Variants in N4BP2L2 observed in about 807,000 individuals in gnomAD.
The protein encoded by N4BP2L2 is NEDD4 binding protein 2 like 2.
N4BP2L2 carries 50 observed loss-of-function variants against 56.2 expected under a neutral mutation model. The ratio of observed to expected loss-of-function variants is 0.89; its 90% CI spans 0.71 to 1.13. N4BP2L2 has a LOEUF of 1.13. N4BP2L2 is among the 50% of genes most tolerant of loss of function. The probability of loss-of-function intolerance (pLI) is 0.00; values close to 1 mark genes in which losing one functional copy is unlikely to be tolerated. For synonymous variants in N4BP2L2, 203 were observed against 223.6 expected, an observed-to-expected ratio of 0.91 and a Z score of 0.82; for missense variants, 689 against 693.8, an observed-to-expected ratio of 0.99 and a Z score of 0.08.
chr13:32,510,803 C>T (rs2047967765), exon 6 of N4BP2L2: 1 of 152,212 alleles, frequency 6.6e-6, no homozygotes, highest in East Asian at 1.9e-4. Flanking sequence ...TGGCCCAACT[C>T]TTTTCAATTT....
At chr13:32,532,087 C>T (rs2054971933) in intron 2 of N4BP2L2, among the ~76,000 whole-genome samples, 1 of 152,186 alleles carries the variant, frequency 6.6e-6, no homozygotes, top group South Asian at 2.1e-4. Context: ...TTATCCAGGA[C>T]AGCCTCCCCA....
At chr13:32,496,207 T>TA (rs1030441378) in intron 6 of N4BP2L2, among the ~76,000 whole-genome samples, 2 of 140,682 alleles carry the variant, frequency 1.4e-5, no homozygotes, top group Non-Finnish European at 3.0e-5. Flanking sequence ...TATTTTTTAT[T>TA]TTTTTTTTTT....
chr13:32,442,474 G>A (rs745931909), exon 7 of N4BP2L2: 1 of 1,613,490 alleles, frequency 6.2e-7, no homozygotes. Flanking sequence ...ACGGTAGTCA[G>A]TGCTTGTTAA....
chr13:32,484,704 C>T (rs1034065002), intron 6 of N4BP2L2, among the ~76,000 whole-genome samples: 1 of 152,234 alleles, frequency 6.6e-6, no homozygotes, highest in African/African-American at 2.4e-5. Context: ...AGGCTGTTCT[C>T]GAACTCCTGA....
intron 8 of N4BP2L2, among the ~76,000 whole-genome samples, chr13:32,437,178 T>G (rs949117507): frequency 6.6e-6 from 1 of 152,160 alleles, no homozygotes; most frequent in Non-Finnish European, 1.5e-5. Flanking sequence ...CCACCACGCC[T>G]GGCCACAAAT....
exon 6 of N4BP2L2, chr13:32,511,100 T>C (rs768796699): frequency 3.3e-5 from 5 of 152,236 alleles, no homozygotes; most frequent in Admixed American, 6.5e-5. Context: ...GTAAGTCGTT[T>C]AACCTAAATT....
chr13:32,531,578 T>C (rs1008945733), intron 2 of N4BP2L2, among the ~76,000 whole-genome samples: 1 of 152,158 alleles, frequency 6.6e-6, no homozygotes, highest in Admixed American at 6.5e-5. Flanking sequence ...ACTACTTTAC[T>C]GGGGTAATTC....
intron 2 of N4BP2L2, among the ~76,000 whole-genome samples, chr13:32,529,814 C>G (rs1383897488): frequency 4.0e-5 from 6 of 150,736 alleles, no homozygotes; most frequent in African/African-American, 1.2e-4. Context: ...CAACCTCCAC[C>G]TCCCAAGTTC....
downstream of N4BP2L2, chr13:32,509,147 T>A (rs1184555439): frequency 4.6e-5 from 7 of 152,170 alleles, no homozygotes; most frequent in Non-Finnish European, 1.0e-4. Flanking sequence ...AAGTATCAAA[T>A]ACAACTGATT....
intron 6 of N4BP2L2, among the ~76,000 whole-genome samples, chr13:32,473,639 T>A (rs551110050): frequency 6.6e-6 from 1 of 152,224 alleles, no homozygotes; most frequent in Non-Finnish European, 1.5e-5. Flanking sequence ...CTGAAAGGTA[T>A]ATGAGAGAAT....
At chr13:32,538,862 G>A (rs778049355), upstream of N4BP2L2, 16 of 985,442 alleles carry the variant, frequency 1.6e-5, no homozygotes, top group Non-Finnish European at 1.9e-5. Flanking sequence ...ATTGAAGTCC[G>A]ACGTTCACAC....
chr13:32,501,321 T>C (rs772779578), intron 6 of N4BP2L2, among the ~76,000 whole-genome samples: 9 of 151,998 alleles, frequency 5.9e-5, no homozygotes, highest in Non-Finnish European at 1.0e-4. Context: ...ACATGAACAT[T>C]ACACATAATG....
intron 6 of N4BP2L2, among the ~76,000 whole-genome samples, chr13:32,481,196 A>G (rs780524003): frequency 4.1e-4 from 62 of 151,182 alleles, no homozygotes; most frequent in Admixed American, 5.3e-4. Context: ...TCCCCTAAAT[A>G]TCTTTAGGAT....
downstream of N4BP2L2, among the ~76,000 whole-genome samples, chr13:32,510,133 C>T (rs563641007): frequency 2.4e-4 from 37 of 152,040 alleles, no homozygotes; most frequent in Admixed American, 8.5e-4. Flanking sequence ...TTCAAATATT[C>T]GGAAAATTTA....
chr13:32,492,369 G>C, intron 6 of N4BP2L2, among the ~76,000 whole-genome samples: 1 of 129,124 alleles, frequency 7.7e-6, no homozygotes, highest in Non-Finnish European at 1.6e-5. Context: ...TGCAAGACCC[G>C]CCTCCCGGAT....
chr13:32,532,505 T>G (rs1241804063), intron 2 of N4BP2L2, among the ~76,000 whole-genome samples: 1 of 152,114 alleles, frequency 6.6e-6, no homozygotes, highest in Non-Finnish European at 1.5e-5. Context: ...TTGAATATTT[T>G]GCCCTACTAA....
chr13:32,452,833 C>A (rs2078319030), intron 6 of N4BP2L2, among the ~76,000 whole-genome samples: 1 of 152,108 alleles, frequency 6.6e-6, no homozygotes, highest in Non-Finnish European at 1.5e-5. Flanking sequence ...AAATCAGAAA[C>A]AAGACAAGAA....
At chr13:32,515,364 CT>C (rs1307018663) in exon 6 of N4BP2L2, 1 of 152,124 alleles carries the variant, frequency 6.6e-6, no homozygotes, top group South Asian at 2.1e-4. Flanking sequence ...CCTCTTGAGC[CT>C]AGGAGTTCAA....
intron 6 of N4BP2L2, among the ~76,000 whole-genome samples, chr13:32,494,224 A>C (rs1323231133): frequency 1.3e-5 from 2 of 152,058 alleles, no homozygotes; most frequent in African/African-American, 4.8e-5. Context: ...CGGAGGTTGC[A>C]GTGAGCCAAG....
Sources: allele counts gnomAD v4.1 joint callset (sites outside exome capture counted in the v4.1 genomes callset), GRCh38; gene constraint gnomAD v4.1.1; transcripts MANE v1.5; gene names NCBI Gene and HGNC (gene_info 2026-07-23, HGNC 2026-07-21).